The following SLC11A1 variants were observed in gnomAD, a reference collection of about 807,000 sequenced individuals.
SLC11A1 encodes solute carrier family 11 member 1.
SLC11A1 carries 59 observed loss-of-function variants against 63.2 expected under a neutral mutation model. That is an observed-to-expected ratio of 0.93 (90% CI 0.76 to 1.16). SLC11A1 has a LOEUF of 1.16. Among genes scored for constraint, SLC11A1 ranks in the 50% most tolerant of loss-of-function variants. SLC11A1 has a pLI of 0.00. For synonymous variants in SLC11A1, 305 were observed against 307.8 expected, an observed-to-expected ratio of 0.99 and a Z score of 0.09; for missense variants, 688 against 730.7, an observed-to-expected ratio of 0.94 and a Z score of 0.67.
intron 4 of SLC11A1, 70 bp downstream of exon 4, chr2:218,385,336 C>G: frequency 6.3e-7 from 1 of 1,597,566 alleles, no homozygotes; most frequent in Admixed American, 1.7e-5. Flanking sequence ...TCAGCTTCCA[C>G]GATCAAATAA....
intron 4 of SLC11A1, 156 bp downstream of exon 4, chr2:218,385,422 G>T (rs760229373): frequency 1.1e-5 from 12 of 1,069,122 alleles, no homozygotes. Context: ...TCGGAGTCTC[G>T]CTCCGTCGCC....
intron 7 of SLC11A1, 30 bp from the exon 8 acceptor site, chr2:218,387,770 G>A (rs1574768320): frequency 6.2e-7 from 1 of 1,611,500 alleles, no homozygotes; most frequent in East Asian, 2.2e-5. Flanking sequence ...CGAGGGGCGG[G>A]GCTTGTCCTG....
intron 2 of SLC11A1, 24 bp downstream of exon 2, chr2:218,383,126 G>A (rs774809054): frequency 1.9e-5 from 31 of 1,611,432 alleles, no homozygotes; most frequent in Middle Eastern, 1.6e-4. Flanking sequence ...AACTTCCTGG[G>A]GGCTTGCAAG....
Position 218,390,732 on chromosome 2 carries a change from C to T in SLC11A1, c.955-466C>T, listed in dbSNP as rs534180363. ...ACCCTTGTCTTCAAGACCAGGCAGGCGCAGAGTTGTGGGAAGTGGACAGTG... is the reference window on the plus strand; with the variant it reads ...ACCCTTGTCTTCAAGACCAGGCAGGTGCAGAGTTGTGGGAAGTGGACAGTG... On this transcript the variant is annotated intron_variant, in intron 9 of 14. Coordinates refer to ENST00000233202, the MANE Select transcript of SLC11A1 (RefSeq NM_000578.4). 2.0e-5 allele frequency among the ~76,000 whole-genome samples: 3 copies of T among 152,228 alleles called. No individual in the cohort carries two copies. The South Asian group carries it at 6.2e-4, about 32-fold the overall frequency.
chr2:218,393,474 AT>A (rs34589602), intron 12 of SLC11A1, among the ~76,000 whole-genome samples: 37,238 of 130,120 alleles, frequency 0.29, 4,924 homozygotes, highest in Middle Eastern at 0.33. Flanking sequence ...CACCCAGCTA[AT>A]TTTTTTTTTT....
intron 6 of SLC11A1, 138 bp from the exon 7 acceptor site, chr2:218,387,427 T>C: frequency 1.0e-6 from 1 of 993,540 alleles, no homozygotes; most frequent in Non-Finnish European, 1.6e-6. Context: ...AGAGGGTGGT[T>C]GTGAAGACTG....
chr2:218,392,293 G>A, intron 11 of SLC11A1: 1 of 190,940 alleles, frequency 5.2e-6, no homozygotes, highest in South Asian at 6.1e-5. Flanking sequence ...CGAACTCCCA[G>A]CCTCAGGTGA....
chr2:218,387,856 G>C lies in SLC11A1; in HGVS notation c.696G>C (p.Ser232=). 6.2e-7 allele frequency: 1 copy of C among 1,601,706 alleles called. No homozygotes were observed. The highest frequency in any genetic ancestry group is 8.5e-7 in the Non-Finnish European group (1 of 1,174,382). The part of the protein sequence containing the change: ...GALLRGLFLP[S]CPGCGHPELL... The stretch of plus-strand genomic sequence containing the variant: ...TTCTTCGGGGCCTGTTCCTGCCCTC[G>C]TGCCCGGGCTGCGGCCACCCCGAGC... The change falls in exon 8 of 15, where the codon TCG becomes TCC. Residue 232 remains serine (S), a synonymous_variant. Coordinates refer to ENST00000233202, the MANE Select transcript of SLC11A1 (RefSeq NM_000578.4).
In SLC11A1 at chr2:218,395,186, G is replaced by A. The variant is rs1047528198; in HGVS notation, c.*151G>A. ...TAGGGACCTGCTGTTTCCTAGCGCA[G>A]CCATGTGATTACCCTCTGGGTCTCA... On this transcript the variant is annotated 3_prime_UTR_variant, in exon 15 of 15. Coordinates refer to ENST00000233202, the MANE Select transcript of SLC11A1 (RefSeq NM_000578.4). The A allele has an allele frequency of 1.6e-6, 1 of 618,348 alleles. No individual in the cohort carries two copies. Among genetic ancestry groups the A allele is most frequent in the African/African-American group, 1.8e-5 (1 of 54,564 alleles). The allele number at this position is 618,348 out of a possible 1,614,324, so 38.3% of individuals were successfully genotyped here.
intron 8 of SLC11A1, 112 bp downstream of exon 8, chr2:218,388,067 G>A (rs1164718472): frequency 3.1e-6 from 4 of 1,307,674 alleles, no homozygotes; most frequent in South Asian, 3.1e-5. Flanking sequence ...GATTTGCGGA[G>A]CCTGTAATAA....
At position 218,386,630 on chromosome 2, in the gene SLC11A1, C is replaced by T; in HGVS notation, c.394-5C>T. ...CCTTAATGAAGGATCATCTCCTCCCCATAGGTGCCCCGCACCGTCCTCTGG... is the reference window on the plus strand; with the variant it reads ...CCTTAATGAAGGATCATCTCCTCCCTATAGGTGCCCCGCACCGTCCTCTGG... On this transcript the variant is annotated splice_polypyrimidine_tract_variant and splice_region_variant and intron_variant, in intron 4 of 14. Coordinates refer to ENST00000233202, the MANE Select transcript of SLC11A1 (RefSeq NM_000578.4). The T allele has an allele frequency of 6.2e-7, 1 of 1,608,642 alleles. No homozygotes were observed. The highest frequency in any genetic ancestry group is 8.5e-7 in the Non-Finnish European group (1 of 1,176,002).
intron 10 of SLC11A1, 24 bp downstream of exon 10, chr2:218,391,311 G>GGGGGGGTGGC: frequency 3.1e-6 from 2 of 646,220 alleles, no homozygotes; most frequent in Non-Finnish European, 5.5e-6. Context: ...GGTGGGGAGG[G>GGGGGGGTGGC]CGTGACCCAG....
intron 7 of SLC11A1, 32 bp from the exon 8 acceptor site, chr2:218,387,768 G>C: frequency 6.2e-7 from 1 of 1,611,562 alleles, no homozygotes; most frequent in Non-Finnish European, 8.5e-7. Flanking sequence ...TGCGAGGGGC[G>C]GGGCTTGTCC....
rs571255209 is a variant in SLC11A1, at chr2:218,388,655, A to G, written c.795+700A>G. 4.6e-5 allele frequency among the ~76,000 whole-genome samples: 7 copies of G among 151,690 alleles called. No homozygotes were observed. In the South Asian group the frequency reaches 6.3e-4, roughly 14 times the overall value. Reference sequence around the variant, plus strand: ...GTCTGTACTAAAAATACAGAAAATTAGCCGGAAGTGGTGGCGCGTGCCTGT... The same window carrying G: ...GTCTGTACTAAAAATACAGAAAATTGGCCGGAAGTGGTGGCGCGTGCCTGT... On this transcript the variant is annotated intron_variant, in intron 8 of 14. Transcript: ENST00000233202.
At position 218,382,493 on chromosome 2, in the gene SLC11A1, C is replaced by T. The variant is rs1695859952; in HGVS notation, c.7+118C>T. ...TTGGTCCCCTGTGGAAGCCTCTGGTCCCCCGTGGGAGTCCTAGTCTAGAAC... is the reference window on the plus strand; with the variant it reads ...TTGGTCCCCTGTGGAAGCCTCTGGTTCCCCGTGGGAGTCCTAGTCTAGAAC... On this transcript the variant is annotated intron_variant, in intron 1 of 14. Coordinates refer to ENST00000233202, the MANE Select transcript of SLC11A1 (RefSeq NM_000578.4). The T allele has an allele frequency of 2.7e-6, 3 of 1,097,542 alleles. No homozygotes were observed. In the East Asian group the frequency reaches 7.4e-5, roughly 27 times the overall value. 68.0% of individuals were successfully genotyped at this position (1,097,542 alleles called of 1,614,324 possible). A position where few individuals can be genotyped will look rare whatever the true frequency, so the allele number is the denominator to read the frequency against.
rs145536242 is a variant in SLC11A1, at chr2:218,389,949, T to C, written c.875T>C (p.Leu292Pro). 3,193 of 1,614,106 alleles carry C rather than the reference T, an allele frequency of 2.0e-3. 9 individuals are homozygous for C. Among genetic ancestry groups the C allele is most frequent in the Non-Finnish European group, 2.5e-3 (2,934 of 1,180,004 alleles). Residue 292 changes from leucine to proline, a missense_variant, in exon 9 of 15, where the codon CTG (leucine) becomes CCG (proline). Physicochemically the swap from Leu to Pro is moderately conservative, Grantham distance 98. Transcript: ENST00000233202. The part of the protein sequence containing the change: ...MYFLIEATIA[L>P]SVSFIINLFV... The stretch of plus-strand genomic sequence containing the variant: ...TTCCTGATTGAGGCCACCATCGCCC[T>C]GTCCGTCTCCTTTATCATCAACCTC...
intron 4 of SLC11A1, among the ~76,000 whole-genome samples, chr2:218,386,183 T>C (rs1436208081): frequency 2.0e-5 from 3 of 152,270 alleles, no homozygotes; most frequent in Middle Eastern, 6.8e-3. Context: ...CCTGGGGCGG[T>C]GGCTCACGCC....
At chr2:218,394,248 G>T in intron 13 of SLC11A1, 55 bp downstream of exon 13, 1 of 1,538,240 alleles carries the variant, frequency 6.5e-7, no homozygotes, top group Admixed American at 1.7e-5. Flanking sequence ...CATCCTCACA[G>T]CCACCCAGAG....
Position 218,394,764 on chromosome 2 carries a change from C to G in SLC11A1, c.1521C>G (p.Tyr507Ter). The change falls in exon 14 of 15, where the codon TAC (tyrosine) becomes TAG (stop). Residue 507 changes from tyrosine (Y) to a stop codon, truncating the protein, a stop_gained. Transcript: ENST00000233202. LOFTEE classifies it low-confidence loss of function (END_TRUNC). The part of the protein sequence containing the change: ...FGLAALLAAA[Y>*]LGLSTYLVWT... ...TTGCAGCCTTGCTGGCCGCAGCCTA[C>G]CTGGGCCTCAGCACCTACCTGGTAC... 1 of 1,613,114 alleles carries G rather than the reference C, an allele frequency of 6.2e-7. No individual in the cohort carries two copies.
Sources: gnomAD v4.1 joint callset for allele counts (sites outside exome capture counted in the v4.1 genomes callset) on GRCh38, gnomAD v4.1.1 for gene constraint, MANE v1.5 for transcripts, NCBI Gene and HGNC (gene_info 2026-07-23, HGNC 2026-07-21) for gene names.